Variants in LTBP1 observed in about 807,000 individuals in gnomAD.
LTBP1 encodes latent-transforming growth factor beta-binding protein 1.
Under a neutral mutation model 207.6 loss-of-function variants are expected in LTBP1, and 129 were observed. That is an observed-to-expected ratio of 0.62 (90% CI 0.54 to 0.72). LTBP1 has a LOEUF of 0.72. Among genes scored for constraint, LTBP1 ranks in the 30% least tolerant of loss-of-function variants. The probability of loss-of-function intolerance (pLI) is 0.00; values close to 1 mark genes in which losing one functional copy is unlikely to be tolerated. For missense variants in LTBP1, 2,281 were observed against 2,217.2 expected (o/e 1.03, Z -0.58); for synonymous variants, 963 against 833.7 (o/e 1.16, Z -2.67).
chr2:33,371,495 A>G (rs549278974), intron 31 of LTBP1, among the ~76,000 whole-genome samples: 3 of 152,358 alleles, frequency 2.0e-5, no homozygotes, highest in Admixed American at 2.0e-4. Context: ...CATTGTATCC[A>G]TTTCATAAAT....
intron 4 of LTBP1, among the ~76,000 whole-genome samples, chr2:33,111,632 A>G (rs1268007232): frequency 6.6e-6 from 1 of 151,720 alleles, no homozygotes; most frequent in Non-Finnish European, 1.5e-5. Context: ...CCCTACACCC[A>G]CTCCACCTCC....
At chr2:33,149,958 A>G (rs1177456751) in intron 5 of LTBP1, among the ~76,000 whole-genome samples, 1 of 152,196 alleles carries the variant, frequency 6.6e-6, no homozygotes, top group Non-Finnish European at 1.5e-5. Context: ...ACATCTTTAC[A>G]CATGCCCTTT....
At chr2:33,075,976 A>G (rs938103956) in intron 3 of LTBP1, among the ~76,000 whole-genome samples, 2 of 152,218 alleles carry the variant, frequency 1.3e-5, no homozygotes, top group African/African-American at 2.4e-5. Context: ...GTAGACACCA[A>G]AAGTTTCTGA....
Position 33,360,876 on chromosome 2 carries a change from G to C in LTBP1, c.4183+97G>C. On this transcript the variant is annotated intron_variant, in intron 27 of 33. Transcript: ENST00000404816. ...ACACTCATTCCCACAGCCAACTCAA[G>C]GCGACTTACCTTATAGTGAGTTTCA... The C allele has an allele frequency of 3.7e-6, 4 of 1,072,558 alleles. No homozygotes were observed. In the Admixed American group the frequency reaches 8.3e-5, roughly 22 times the overall value. 66.4% of individuals were successfully genotyped at this position (1,072,558 alleles called of 1,614,324 possible). A position where few individuals can be genotyped will look rare whatever the true frequency, so the allele number is the denominator to read the frequency against.
chr2:33,215,602 T>G (rs1350565822), intron 7 of LTBP1, among the ~76,000 whole-genome samples: 2 of 152,174 alleles, frequency 1.3e-5, no homozygotes, highest in African/African-American at 4.8e-5. Context: ...GCCAGGTGAC[T>G]GGTGTCTACT....
At position 33,082,182 on chromosome 2, in the gene LTBP1, C is replaced by A. The variant is rs219096; in HGVS notation, c.864-28400C>A. Among the ~76,000 whole-genome samples, 7 of 151,936 alleles carry A rather than the reference C, an allele frequency of 4.6e-5. No homozygotes were observed. The East Asian group carries it at 1.4e-3, about 29-fold the overall frequency. On this transcript the variant is annotated intron_variant, in intron 3 of 33. Coordinates refer to ENST00000404816, the MANE Select transcript of LTBP1 (RefSeq NM_206943.4). The stretch of plus-strand genomic sequence containing the variant: ...CCTCTTAGAAGAATAAGCTCAGCCC[C>A]CTTTTCTCTCCCTCTTGCCCTCTCT...
At chr2:33,081,990 C>T (rs1236371981) in intron 3 of LTBP1, among the ~76,000 whole-genome samples, 1 of 152,070 alleles carries the variant, frequency 6.6e-6, no homozygotes, top group Non-Finnish European at 1.5e-5. Flanking sequence ...AACTTTTTTT[C>T]TTTTATAAAT....
At chr2:33,381,011 T>C (rs600389) in intron 31 of LTBP1, among the ~76,000 whole-genome samples, 42,347 of 152,142 alleles carry the variant, frequency 0.28, 6,856 homozygotes, top group Non-Finnish European at 0.36. Flanking sequence ...TTACCTGTCC[T>C]TGCAGCTGAA....
At chr2:33,270,075 C>A (rs2093282694) in intron 15 of LTBP1, among the ~76,000 whole-genome samples, 1 of 151,410 alleles carries the variant, frequency 6.6e-6, no homozygotes, top group Non-Finnish European at 1.5e-5. Flanking sequence ...CACCACCACA[C>A]CTGGCTAATT....
At chr2:33,015,818 A>G (rs181533440) in intron 2 of LTBP1, among the ~76,000 whole-genome samples, 99 of 152,268 alleles carry the variant, frequency 6.5e-4, no homozygotes, top group African/African-American at 1.9e-3. Context: ...ATGGGGAGCA[A>G]GGCACAAAAC....
chr2:33,202,379 T>C (rs1006677937), intron 7 of LTBP1, among the ~76,000 whole-genome samples: 4 of 152,168 alleles, frequency 2.6e-5, no homozygotes, highest in Admixed American at 6.5e-5. Context: ...ATGGGCACTT[T>C]GGAAATCTTT....
At chr2:33,077,206 T>A (rs1049348726) in intron 3 of LTBP1, among the ~76,000 whole-genome samples, 8 of 152,212 alleles carry the variant, frequency 5.3e-5, no homozygotes, top group African/African-American at 1.9e-4. Flanking sequence ...AAGGTTGTTG[T>A]ATTGCTGCTT....
chr2:33,270,329 C>A (rs2093289302), intron 15 of LTBP1, among the ~76,000 whole-genome samples: 1 of 151,954 alleles, frequency 6.6e-6, no homozygotes, highest in Admixed American at 6.5e-5. Flanking sequence ...TTGGCTCACG[C>A]CTGTAATCCC....
chr2:33,389,811 T>C (rs1309516707), intron 32 of LTBP1, among the ~76,000 whole-genome samples: 2 of 152,250 alleles, frequency 1.3e-5, no homozygotes, highest in South Asian at 2.1e-4. Flanking sequence ...GGCTAAATTT[T>C]GTATTGTTAG....
At chr2:32,947,929 G>A in intron 1 of LTBP1, 111 bp downstream of exon 1, 1 of 972,034 alleles carries the variant, frequency 1.0e-6, no homozygotes, top group Non-Finnish European at 1.3e-6. Flanking sequence ...GCGGTCGCGC[G>A]CGGTGGGTCG....
At chr2:32,967,513 G>A (rs2148520858) in intron 2 of LTBP1, among the ~76,000 whole-genome samples, 1 of 152,172 alleles carries the variant, frequency 6.6e-6, no homozygotes, top group South Asian at 2.1e-4. Context: ...CCATTAAGCT[G>A]TATTTTAATT....
chr2:33,216,710 GC>G (rs1487241497), intron 7 of LTBP1, among the ~76,000 whole-genome samples: 1 of 152,190 alleles, frequency 6.6e-6, no homozygotes, highest in East Asian at 1.9e-4. Flanking sequence ...TGGAGAGTCA[GC>G]TGGTCCTCCC....
At chr2:32,982,356 G>T (rs1682890015) in intron 2 of LTBP1, among the ~76,000 whole-genome samples, 1 of 152,168 alleles carries the variant, frequency 6.6e-6, no homozygotes, top group Non-Finnish European at 1.5e-5. Flanking sequence ...AGAGGAGGCA[G>T]AATATAAAAG....
chr2:33,282,966 G>A lies in LTBP1; in HGVS notation c.3112+2808G>A, dbSNP rs553990117. 3.3e-5 allele frequency among the ~76,000 whole-genome samples: 5 copies of A among 151,674 alleles called. No individual in the cohort carries two copies. In the South Asian group the frequency reaches 1.0e-3, roughly 32 times the overall value. On this transcript the variant is annotated intron_variant, in intron 19 of 33. Coordinates refer to ENST00000404816, the MANE Select transcript of LTBP1 (RefSeq NM_206943.4). ...TAATCCCAGCCACCCAGTAGGCTGA[G>A]GCAGGAGAATCGCTTGAACCTGGGA... is the stretch of plus-strand genomic sequence containing the variant.
Sources: gnomAD v4.1 joint callset for allele counts (sites outside exome capture counted in the v4.1 genomes callset) on GRCh38, gnomAD v4.1.1 for gene constraint, MANE v1.5 for transcripts, NCBI Gene and HGNC (gene_info 2026-07-23, HGNC 2026-07-21) for gene names.